The following NEIL1 variants were observed in gnomAD, a reference collection of about 807,000 sequenced individuals.
NEIL1 encodes endonuclease 8-like 1.
A neutral mutation model predicts 44.2 loss-of-function variants in NEIL1; 31 were observed. That is an observed-to-expected ratio of 0.70 (90% CI 0.53 to 0.95). The LOEUF (loss-of-function observed/expected upper bound fraction) is 0.95, where lower values mean the gene tolerates loss of function less well. NEIL1 is among the 40% of genes least tolerant of loss of function. NEIL1 has a pLI of 0.00. For missense variants in NEIL1, 549 were observed against 515.5 expected, an observed-to-expected ratio of 1.07 and a Z score of -0.63; for synonymous variants, 254 against 209.7, an observed-to-expected ratio of 1.21 and a Z score of -1.83.
intron 2 of NEIL1, 86 bp downstream of exon 2, chr15:75,349,425 T>C: frequency 7.8e-7 from 1 of 1,286,294 alleles, no homozygotes; most frequent in South Asian, 1.4e-5. Context: ...AAGGGGCGAG[T>C]CCCTGCCCCT....
rs1384256467 is a variant in NEIL1, at chr15:75,354,281, A to T, written c.874+4A>T. ...CCTGGACCGTTGGCACCCAAAGGTAAGCTACTCCTAATGTAATAGGCTAAG... is the reference window on the plus strand; with the variant it reads ...CCTGGACCGTTGGCACCCAAAGGTATGCTACTCCTAATGTAATAGGCTAAG... On this transcript the variant is annotated splice_donor_region_variant and intron_variant, in intron 7 of 9. Transcript: ENST00000355059. 1 of 1,614,126 alleles carries T rather than the reference A, an allele frequency of 6.2e-7. No individual in the cohort carries two copies.
intron 1 of NEIL1, 40 bp from the exon 2 acceptor site, chr15:75,348,844 G>A: frequency 1.3e-6 from 2 of 1,581,220 alleles, no homozygotes; most frequent in Non-Finnish European, 1.7e-6. Context: ...ACCTCACAAA[G>A]TCCACACCGG....
At chr15:75,348,561 A>C in intron 1 of NEIL1, 1 of 1,193,798 alleles carries the variant, frequency 8.4e-7, no homozygotes, top group Non-Finnish European at 1.0e-6. Flanking sequence ...GAGTGAGGGG[A>C]GCCGGGAAGA....
rs949172263 is a variant in NEIL1, at chr15:75,356,490, G to A, written c.*1456G>A. ...GAAACAATGCTGGTGGAGAATGGGG[G>A]CTACCCTCCCCTGTCCCTAGAAGGG... On this transcript the variant is annotated 3_prime_UTR_variant, in exon 10 of 10. Coordinates refer to ENST00000355059, the MANE Select transcript of NEIL1 (RefSeq NM_024608.4). The surrounding 1 kb of genome is among the most constrained non-coding windows in gnomAD (Gnocchi z 5.8). The A allele has an allele frequency of 1.1e-5, 18 of 1,572,094 alleles. No individual in the cohort carries two copies. The African/African-American group carries it at 2.0e-4, about 18-fold the overall frequency.
At position 75,356,455 on chromosome 15, in the gene NEIL1, G is replaced by A. The variant is rs764165429; in HGVS notation, c.*1421G>A. The A allele has an allele frequency of 1.3e-6, 2 of 1,592,012 alleles. No individual in the cohort carries two copies. Among genetic ancestry groups the A allele is most frequent in the Non-Finnish European group, 1.7e-6 (2 of 1,170,762 alleles). On this transcript the variant is annotated 3_prime_UTR_variant, in exon 10 of 10. Transcript: ENST00000355059. The surrounding 1 kb of genome is among the most constrained non-coding windows in gnomAD (Gnocchi z 5.8). ...GCCAGCATCCTGGAAAGAGCCTGGG[G>A]TACGACCAGGAAACAATGCTGGTGG...
intron 9 of NEIL1, 45 bp from the exon 10 acceptor site, chr15:75,354,919 A>C (rs776007971): frequency 6.2e-7 from 1 of 1,612,026 alleles, no homozygotes; most frequent in African/African-American, 1.3e-5. Context: ...CTGCCATGGC[A>C]GCCCCTGGAG....
At chr15:75,348,569 A>C in intron 1 of NEIL1, 43 of 1,192,600 alleles carry the variant, frequency 3.6e-5, no homozygotes, top group East Asian at 1.8e-4. Context: ...GGAGCCGGGA[A>C]GAAGTAAGGC....
rs2141309482 is a variant in NEIL1, at chr15:75,349,290, T to C, written c.385T>C (p.Trp129Arg). Residue 129 changes from tryptophan to arginine, a missense_variant, in exon 2 of 10, where the codon TGG becomes CGG. Coordinates refer to ENST00000355059, the MANE Select transcript of NEIL1 (RefSeq NM_024608.4). ...CGGCCGCTGGGACCTTGGGGGAAAGTGGCAGCCGGGCCGCGGGCCCTGTGT... is the reference window on the plus strand; with the variant it reads ...CGGCCGCTGGGACCTTGGGGGAAAGCGGCAGCCGGGCCGCGGGCCCTGTGT... ...RFGRWDLGGK[W>R]QPGRGPCVLQ... 1 of 1,611,156 alleles carries C rather than the reference T, an allele frequency of 6.2e-7. No homozygotes were observed. Among genetic ancestry groups the C allele is most frequent in the Non-Finnish European group, 8.5e-7 (1 of 1,179,312 alleles).
At position 75,356,413 on chromosome 15, in the gene NEIL1, T is replaced by C. The variant is rs373813209; in HGVS notation, c.*1379T>C. ...AGCCAACAGGGGGAAGTTTAGGCTG[T>C]AGGCAGCTTGGATAACGCCAGCATC... On this transcript the variant is annotated 3_prime_UTR_variant, in exon 10 of 10. Transcript: ENST00000355059. The surrounding 1 kb of genome is among the most constrained non-coding windows in gnomAD (Gnocchi z 5.8). 1.9e-5 allele frequency: 31 copies of C among 1,608,902 alleles called. No individual in the cohort carries two copies. The highest frequency in any genetic ancestry group is 2.6e-5 in the Non-Finnish European group (31 of 1,178,240).
chr15:75,349,074 C>A lies in NEIL1; in HGVS notation c.169C>A (p.Arg57Ser). The A allele has an allele frequency of 1.9e-6, 3 of 1,613,118 alleles. No individual in the cohort carries two copies. In the African/African-American group the frequency reaches 4.0e-5, roughly 21 times the overall value. The change falls in exon 2 of 10, where the codon CGC becomes AGC. Residue 57 changes from arginine to serine, a missense_variant. By Grantham distance (110) the Arg-to-Ser change is moderately radical. Transcript: ENST00000355059. ...AGCTTCAGCCCGCGGCAAGGAGCTG[C>A]GCCTGATACTGAGCCCTCTGCCTGG... ...ISASARGKEL[R>S]LILSPLPGAQ...
chr15:75,354,707 C>A lies in NEIL1; in HGVS notation c.991C>A (p.Leu331Ile), dbSNP rs2072215221. ...PSRTRRAKRD[L>I]PKRTATQRPE... is the part of the protein sequence containing the mutation. Reference sequence around the variant, plus strand: ...CAGGACACGAAGGGCAAAGAGAGACCTTCCTAAGAGGACTGCAACCCAGCG... The same window carrying A: ...CAGGACACGAAGGGCAAAGAGAGACATTCCTAAGAGGACTGCAACCCAGCG... The change falls in exon 9 of 10, where the codon CTT becomes ATT. Residue 331 changes from leucine to isoleucine, a missense_variant. By Grantham distance (5) the Leu-to-Ile change is conservative. Transcript: ENST00000355059. 1 of 1,614,078 alleles carries A rather than the reference C, an allele frequency of 6.2e-7. No homozygotes were observed. The highest frequency in any genetic ancestry group is 8.5e-7 in the Non-Finnish European group (1 of 1,180,046).
rs981100333 is a variant in NEIL1, at chr15:75,352,794, G to C, written c.718+93G>C. The C allele has an allele frequency of 3.0e-6, 3 of 1,012,098 alleles. No individual in the cohort carries two copies. The Admixed American group carries it at 6.0e-5, about 20-fold the overall frequency. 62.7% of individuals were successfully genotyped at this position (1,012,098 alleles called of 1,614,324 possible). ...TCTCTGGACCTGATTCACCGATTTG[G>C]AAGTTTGTAGCCCTAGCTGATACTC... On this transcript the variant is annotated intron_variant, in intron 5 of 9. Transcript: ENST00000355059.
intron 6 of NEIL1, 51 bp from the exon 7 acceptor site, chr15:75,354,199 G>A (rs553821186): frequency 8.1e-6 from 13 of 1,606,182 alleles, no homozygotes; most frequent in African/African-American, 5.4e-5. Flanking sequence ...AAGGAATACC[G>A]CCCCTGTGCC....
At chr15:75,348,113 G>A in intron 1 of NEIL1, 1 of 842,810 alleles carries the variant, frequency 1.2e-6, no homozygotes, top group South Asian at 2.5e-5. Flanking sequence ...AGCTCGGGGA[G>A]CCCTTCCTGG....
chr15:75,347,722 G>T, intron 1 of NEIL1: 1 of 865,122 alleles, frequency 1.2e-6, no homozygotes, highest in Non-Finnish European at 1.5e-6. Context: ...CTAAGGAGAA[G>T]ATGAGCTTTG....
In NEIL1 at chr15:75,357,113, C is replaced by A. The variant is rs2072338861; in HGVS notation, c.*2079C>A. The A allele has an allele frequency of 5.2e-6, 3 of 577,138 alleles. No homozygotes were observed. The African/African-American group carries it at 5.6e-5, about 11-fold the overall frequency. The allele number at this position is 577,138 out of a possible 1,614,324, so 35.8% of individuals were successfully genotyped here. A position where few individuals can be genotyped will look rare whatever the true frequency, so the allele number is the denominator to read the frequency against. ...ACGGGAATAAATAATAGTACTCACC[C>A]CATCGAATGATCATGAGTATCAAAT... is the stretch of plus-strand genomic sequence containing the variant. On this transcript the variant is annotated 3_prime_UTR_variant, in exon 10 of 10. Coordinates refer to ENST00000355059, the MANE Select transcript of NEIL1 (RefSeq NM_024608.4).
chr15:75,356,034 T>C lies in NEIL1; in HGVS notation c.*1000T>C, dbSNP rs778461649. 2.5e-6 allele frequency: 4 copies of C among 1,613,850 alleles called. No homozygotes were observed. The South Asian group carries it at 3.3e-5, about 13-fold the overall frequency. ...TCTGGTCGCTCCAAGAGATCGCAGC[T>C]GGAGAACAGGAGGGGCCATGAAGGC... On this transcript the variant is annotated 3_prime_UTR_variant, in exon 10 of 10. Transcript: ENST00000355059. The surrounding 1 kb of genome is among the most constrained non-coding windows in gnomAD (Gnocchi z 5.8).
At position 75,349,239 on chromosome 15, in the gene NEIL1, C is replaced by A. The variant is rs2071688265; in HGVS notation, c.334C>A (p.Leu112Ile). The change falls in exon 2 of 10, where the codon CTA becomes ATA. Residue 112 changes from leucine to isoleucine, a missense_variant. Coordinates refer to ENST00000355059, the MANE Select transcript of NEIL1 (RefSeq NM_024608.4). Reference sequence around the variant, plus strand: ...GGCCCCGCCTGGCCCCCGGCTCGCCCTATGTTTCGTGGACATCCGCCGGTT... The same window carrying A: ...GGCCCCGCCTGGCCCCCGGCTCGCCATATGTTTCGTGGACATCCGCCGGTT... ...YTAPPGPRLA[L>I]CFVDIRRFGR... 1.2e-6 allele frequency: 2 copies of A among 1,610,822 alleles called. No homozygotes were observed. The highest frequency in any genetic ancestry group is 1.1e-5 in the South Asian group (1 of 91,074).
intron 5 of NEIL1, 112 bp downstream of exon 5, chr15:75,352,813 GAT>G (rs1289988349): frequency 3.6e-6 from 3 of 831,364 alleles, no homozygotes; most frequent in Non-Finnish European, 3.9e-6. Flanking sequence ...AGCCCTAGCT[GAT>G]ACTCAATGGA....
Sources: allele counts gnomAD v4.1 joint callset, GRCh38; gene constraint gnomAD v4.1.1; non-coding constraint Gnocchi (gnomAD v3.1); transcripts MANE v1.5; gene names NCBI Gene and HGNC (gene_info 2026-07-23, HGNC 2026-07-21).